PHAX: variants seen among roughly 807,000 people sequenced by gnomAD.
The protein encoded by PHAX is phosphorylated adapter RNA export protein.
In PHAX, 31 loss-of-function variants were observed where a neutral mutation model predicts 41.6. The ratio of observed to expected loss-of-function variants is 0.75; its 90% CI spans 0.56 to 1.01. The LOEUF is 1.01. Ranked by LOEUF, PHAX falls within the 50% of genes least tolerant of loss-of-function variation. The pLI is 0.00. For missense variants in PHAX, 453 were observed against 472.9 expected (o/e 0.96, Z 0.39); for synonymous variants, 175 against 164.9 (o/e 1.06, Z -0.47).
rs1401838603 is a variant in PHAX, at chr5:126,620,526, T to C, written c.915+3193T>C. On this transcript the variant is annotated intron_variant, in intron 4 of 4. Coordinates refer to ENST00000297540, the MANE Select transcript of PHAX (RefSeq NM_032177.4). ...AATAATCAAAATTATATGCCTGAGATCACACAGACCACTCTGACTCCAAAA... is the reference window on the plus strand; with the variant it reads ...AATAATCAAAATTATATGCCTGAGACCACACAGACCACTCTGACTCCAAAA... Among the ~76,000 whole-genome samples the C allele has an allele frequency of 3.9e-5, 6 of 152,142 alleles. No individual in the cohort carries two copies. In the East Asian group the frequency reaches 1.2e-3, roughly 29 times the overall value.
intron 3 of PHAX, among the ~76,000 whole-genome samples, chr5:126,614,180 C>A (rs1295404750): frequency 6.6e-6 from 1 of 152,090 alleles, no homozygotes; most frequent in Non-Finnish European, 1.5e-5. Flanking sequence ...CTCACTGCAA[C>A]CTCTGCCTCC....
At chr5:126,604,567 C>CTATT (rs1219066175) in intron 2 of PHAX, among the ~76,000 whole-genome samples, 57 of 151,836 alleles carry the variant, frequency 3.8e-4, no homozygotes, top group East Asian at 3.9e-4. Context: ...CTGGCCTAAT[C>CTATT]TATTTATTTA....
intron 2 of PHAX, among the ~76,000 whole-genome samples, chr5:126,604,484 C>T (rs34373067): frequency 0.079 from 12,051 of 151,982 alleles, 503 homozygotes; most frequent in South Asian, 0.13. Flanking sequence ...AAGCTACTCT[C>T]GAACTCCAGA....
At chr5:126,614,946 A>G (rs1209138244) in intron 3 of PHAX, among the ~76,000 whole-genome samples, 2 of 152,014 alleles carry the variant, frequency 1.3e-5, no homozygotes, top group South Asian at 2.1e-4. Context: ...TAATAGAAAC[A>G]AGGTTTCACC....
At chr5:126,617,853 A>G (rs1001701450) in intron 4 of PHAX, among the ~76,000 whole-genome samples, 5 of 151,332 alleles carry the variant, frequency 3.3e-5, no homozygotes, top group South Asian at 2.1e-4. Flanking sequence ...GGCTCAAGCA[A>G]TCCTCCTGCC....
intron 4 of PHAX, among the ~76,000 whole-genome samples, chr5:126,624,068 GCA>G (rs999364833): frequency 3.3e-5 from 5 of 150,178 alleles, no homozygotes; most frequent in Non-Finnish European, 7.4e-5. Context: ...GAGTGCAGTG[GCA>G]CAGTCTCGGC....
chr5:126,613,166 T>G (rs1290767597), intron 3 of PHAX, among the ~76,000 whole-genome samples: 2 of 152,100 alleles, frequency 1.3e-5, no homozygotes, highest in Non-Finnish European at 2.9e-5. Context: ...CTGTCCAACA[T>G]GGTGAAACCC....
In PHAX at chr5:126,626,369, A is replaced by G. The variant is rs1029357698; in HGVS notation, c.*1525A>G. 6.6e-6 allele frequency: 1 copy of G among 152,146 alleles called. No individual in the cohort carries two copies. 9.4% of individuals were successfully genotyped at this position (152,146 alleles called of 1,614,324 possible). On this transcript the variant is annotated 3_prime_UTR_variant, in exon 5 of 5. Coordinates refer to ENST00000297540, the MANE Select transcript of PHAX (RefSeq NM_032177.4). ...AGCACTCTGGGAGGCTGAGACAGGT[A>G]GATCATTTGAGGTCAGGAGTTCAAA...
intron 3 of PHAX, among the ~76,000 whole-genome samples, chr5:126,612,299 C>G (rs948555593): frequency 6.6e-6 from 1 of 152,138 alleles, no homozygotes; most frequent in Non-Finnish European, 1.5e-5. Flanking sequence ...GATATAAGGT[C>G]AGAGAGATAA....
Position 126,621,115 on chromosome 5 carries a change from C to T in PHAX, c.916-3460C>T, listed in dbSNP as rs34356446. ...ATGTTGCTCAGACTGGTCTTGAACT[C>T]TGGGGCTCAAATGATGTTCATGCCT... On this transcript the variant is annotated intron_variant, in intron 4 of 4. Transcript: ENST00000297540. Among the ~76,000 whole-genome samples, 833 of 152,246 alleles carry T rather than the reference C, an allele frequency of 5.5e-3. 7 individuals are homozygous for T. The highest frequency in any genetic ancestry group is 9.6e-3 in the Non-Finnish European group (656 of 68,020).
chr5:126,608,397 A>C lies in PHAX; in HGVS notation c.744A>C (p.Arg248=), dbSNP rs760150236. The C allele has an allele frequency of 6.2e-7, 1 of 1,613,640 alleles. No individual in the cohort carries two copies. The highest frequency in any genetic ancestry group is 8.5e-7 in the Non-Finnish European group (1 of 1,179,578). Residue 248 remains arginine, a synonymous_variant, in exon 3 of 5, where the codon CGA becomes CGC. Coordinates refer to ENST00000297540, the MANE Select transcript of PHAX (RefSeq NM_032177.4). The part of the protein sequence containing the change: ...LQEPKKDLIA[R]VVRIIGNKKA... ...AACCAAAGAAAGACCTGATAGCCCG[A>C]GTAGTGAGGATTATTGGTAACAAAA...
intron 3 of PHAX, among the ~76,000 whole-genome samples, chr5:126,615,996 G>A (rs1427459047): frequency 6.7e-6 from 1 of 148,830 alleles, no homozygotes; most frequent in Non-Finnish European, 1.5e-5. Flanking sequence ...CATGAGGTGT[G>A]AATCCAACAT....
At chr5:126,612,609 GAGAA>G (rs1215970944) in intron 3 of PHAX, among the ~76,000 whole-genome samples, 2 of 152,178 alleles carry the variant, frequency 1.3e-5, no homozygotes, top group African/African-American at 4.8e-5. Context: ...GCTGAGGCAG[GAGAA>G]TCGTTTGAAC....
intron 4 of PHAX, among the ~76,000 whole-genome samples, chr5:126,618,589 G>A (rs1239665140): frequency 6.7e-6 from 1 of 148,732 alleles, no homozygotes; most frequent in Non-Finnish European, 1.5e-5. Context: ...TATTCCATTT[G>A]TTGTATCTCC....
At chr5:126,609,438 G>GC (rs1363354311) in intron 3 of PHAX, among the ~76,000 whole-genome samples, 1 of 152,024 alleles carries the variant, frequency 6.6e-6, no homozygotes, top group Non-Finnish European at 1.5e-5. Flanking sequence ...GTCTAGGGGA[G>GC]CCTAGGAGCT....
At chr5:126,608,037 T>C (rs1167672730) in intron 2 of PHAX, among the ~76,000 whole-genome samples, 1 of 152,218 alleles carries the variant, frequency 6.6e-6, no homozygotes, top group Non-Finnish European at 1.5e-5. Context: ...ATGTCTGTTA[T>C]TTATTTTGAC....
At chr5:126,607,209 A>G (rs1326346549) in intron 2 of PHAX, among the ~76,000 whole-genome samples, 1 of 152,072 alleles carries the variant, frequency 6.6e-6, no homozygotes, top group Admixed American at 6.6e-5. Flanking sequence ...ATACTGGGGA[A>G]GTTTGGAATT....
At chr5:126,604,248 A>T (rs1223016284) in intron 2 of PHAX, 65 bp downstream of exon 2, 6 of 1,310,464 alleles carry the variant, frequency 4.6e-6, no homozygotes, top group African/African-American at 3.1e-5. Flanking sequence ...AATAAAATGA[A>T]TGCCAAATAC....
At position 126,603,928 on chromosome 5, in the gene PHAX, A is replaced by G. The variant is rs753696069; in HGVS notation, c.455A>G (p.Tyr152Cys). The change falls in exon 2 of 5, where the codon TAC becomes TGC. Residue 152 changes from tyrosine (Y) to cysteine (C), a missense_variant. Tyr to Cys is a radical substitution (Grantham distance 194). Transcript: ENST00000297540. ...TIDRSRQSET[Y>C]NYLLAKKLRK... ...GACAGAAGCAGACAATCCGAGACCT[A>G]CAATTATTTGCTTGCCAAGAAACTT... 6.2e-7 allele frequency: 1 copy of G among 1,614,176 alleles called. No individual in the cohort carries two copies. Among genetic ancestry groups the G allele is most frequent in the Non-Finnish European group, 8.5e-7 (1 of 1,180,040 alleles).
Sources: allele counts gnomAD v4.1 joint callset (sites outside exome capture counted in the v4.1 genomes callset), GRCh38; gene constraint gnomAD v4.1.1; transcripts MANE v1.5; gene names NCBI Gene and HGNC (gene_info 2026-07-23, HGNC 2026-07-21).